CSMD3: variants seen among roughly 807,000 people sequenced by gnomAD.
CSMD3 encodes CUB and sushi domain-containing protein 3.
CSMD3 carries 177 observed loss-of-function variants against 435.2 expected under a neutral mutation model. The observed-to-expected ratio is 0.41, with a 90% CI of 0.36 to 0.46. The LOEUF (loss-of-function observed/expected upper bound fraction) is 0.46, where lower values mean the gene tolerates loss of function less well. Ranked by LOEUF, CSMD3 falls within the 20% of genes least tolerant of loss-of-function variation. The probability of loss-of-function intolerance (pLI) is 0.34; values close to 1 mark genes in which losing one functional copy is unlikely to be tolerated. For synonymous variants in CSMD3, 1,656 were observed against 1,520.5 expected (o/e 1.09, Z -2.07); for missense variants, 4,265 against 4,504.6 (o/e 0.95, Z 1.52).
rs76398422 is a variant in CSMD3, at chr8:112,569,524, G to T, written c.4042+3977C>A. Among the ~76,000 whole-genome samples the T allele has an allele frequency of 2.5e-3, 383 of 152,142 alleles. 2 individuals are homozygous for T. Among genetic ancestry groups the T allele is most frequent in the African/African-American group, 8.9e-3 (371 of 41,508 alleles). On this transcript the variant is annotated intron_variant, in intron 24 of 70. Coordinates refer to ENST00000297405, the MANE Select transcript of CSMD3 (RefSeq NM_198123.2). ...AATTGAAATAAAACGCACTTTAAAG[G>T]TCTGTTCTAACATACTTTTTTCATT...
At chr8:112,878,491 T>C (rs1212612832) in intron 10 of CSMD3, among the ~76,000 whole-genome samples, 1 of 152,132 alleles carries the variant, frequency 6.6e-6, no homozygotes, top group African/African-American at 2.4e-5. Flanking sequence ...GTTCAACCAT[T>C]GTGGAAGACA....
intron 28 of CSMD3, among the ~76,000 whole-genome samples, chr8:112,515,715 A>G (rs1166007127): frequency 6.6e-6 from 1 of 151,788 alleles, no homozygotes; most frequent in Non-Finnish European, 1.5e-5. Flanking sequence ...CTTCTTTGTC[A>G]TTTGTCTTAT....
intron 3 of CSMD3, among the ~76,000 whole-genome samples, chr8:113,271,360 A>T (rs149146045): frequency 1.3e-5 from 2 of 152,080 alleles, no homozygotes; most frequent in African/African-American, 4.8e-5. Context: ...GCCTAGGAGA[A>T]AAAAACGGTT....
intron 3 of CSMD3, among the ~76,000 whole-genome samples, chr8:113,263,081 C>T (rs1418459628): frequency 6.6e-6 from 1 of 151,930 alleles, no homozygotes; most frequent in Non-Finnish European, 1.5e-5. Flanking sequence ...CAATATAATA[C>T]TGCATAAAGG....
chr8:112,569,780 T>C (rs930175813), intron 24 of CSMD3, among the ~76,000 whole-genome samples: 1 of 152,176 alleles, frequency 6.6e-6, no homozygotes, highest in Non-Finnish European at 1.5e-5. Context: ...TCCTTGAATG[T>C]TCTTCCTAAT....
At chr8:112,681,152 AGCCTCCT>A (rs1407570195) in intron 16 of CSMD3, among the ~76,000 whole-genome samples, 1 of 151,380 alleles carries the variant, frequency 6.6e-6, no homozygotes, top group Non-Finnish European at 1.5e-5. Context: ...CCCCTGCCTC[AGCCTCCT>A]GAGTAGCTGG....
At chr8:112,916,794 A>C (rs207469738) in intron 10 of CSMD3, among the ~76,000 whole-genome samples, 1 of 152,070 alleles carries the variant, frequency 6.6e-6, no homozygotes, top group Non-Finnish European at 1.5e-5. Context: ...GTTGGTTACA[A>C]TTAATTAAAT....
intron 18 of CSMD3, among the ~76,000 whole-genome samples, chr8:112,655,251 G>T (rs1383193826): frequency 6.6e-6 from 1 of 151,984 alleles, no homozygotes; most frequent in African/African-American, 2.4e-5. Flanking sequence ...GGGGGAAAGG[G>T]TCATAATTAA....
intron 30 of CSMD3, among the ~76,000 whole-genome samples, chr8:112,497,785 A>C (rs912183828): frequency 6.6e-6 from 1 of 152,098 alleles, no homozygotes; most frequent in African/African-American, 2.4e-5. Context: ...GGACAATTAC[A>C]GAGGAAACAT....
intron 1 of CSMD3, among the ~76,000 whole-genome samples, chr8:113,338,635 T>C (rs1042325294): frequency 2.0e-5 from 3 of 151,976 alleles, no homozygotes; most frequent in Admixed American, 2.0e-4. Context: ...ATAAGATATA[T>C]AGTGAATGGT....
At chr8:113,199,987 G>A (rs185349073) in intron 3 of CSMD3, among the ~76,000 whole-genome samples, 1 of 151,784 alleles carries the variant, frequency 6.6e-6, no homozygotes, top group Admixed American at 6.6e-5. Flanking sequence ...ATTATCTCCA[G>A]TCCAAATCTC....
chr8:113,082,363 T>A (rs994903837), intron 5 of CSMD3, among the ~76,000 whole-genome samples: 1 of 152,166 alleles, frequency 6.6e-6, no homozygotes, highest in Admixed American at 6.5e-5. Context: ...ACTCAGGAAC[T>A]CACAGATATC....
At chr8:112,240,558 A>T (rs1586498139) in intron 66 of CSMD3, among the ~76,000 whole-genome samples, 1 of 152,224 alleles carries the variant, frequency 6.6e-6, no homozygotes, top group East Asian at 1.9e-4. Flanking sequence ...AAACCTCACT[A>T]AAATTAGATC....
chr8:112,656,424 C>G (rs1205474844), intron 17 of CSMD3, 83 bp from the exon 18 acceptor site: 13 of 1,022,514 alleles, frequency 1.3e-5, no homozygotes, highest in Non-Finnish European at 1.8e-5. Flanking sequence ...TATTTAAATT[C>G]CTATTTAAAA....
At chr8:113,318,182 A>G (rs988297122) in intron 1 of CSMD3, among the ~76,000 whole-genome samples, 4 of 152,150 alleles carry the variant, frequency 2.6e-5, no homozygotes, top group African/African-American at 9.7e-5. Flanking sequence ...AACCATACTT[A>G]ATAAATATGA....
At chr8:112,239,659 T>G (rs549644167) in intron 66 of CSMD3, among the ~76,000 whole-genome samples, 1 of 152,230 alleles carries the variant, frequency 6.6e-6, no homozygotes, top group Admixed American at 6.6e-5. Context: ...GATGTAGTGT[T>G]CTAGTAATTT....
At chr8:112,494,482 G>A (rs55708075) in intron 30 of CSMD3, among the ~76,000 whole-genome samples, 1 of 71,696 alleles carries the variant, frequency 1.4e-5, no homozygotes, top group Non-Finnish European at 3.7e-5. Flanking sequence ...CTTTTCTTTT[G>A]TTTCTTTCTC....
chr8:112,358,609 A>G (rs1272577907), intron 38 of CSMD3, among the ~76,000 whole-genome samples: 1 of 152,108 alleles, frequency 6.6e-6, no homozygotes, highest in Non-Finnish European at 1.5e-5. Context: ...TAAAAGAGGA[A>G]TTCCCCTGCA....
At chr8:113,374,914 C>G (rs144957805) in intron 1 of CSMD3, among the ~76,000 whole-genome samples, 20 of 149,766 alleles carry the variant, frequency 1.3e-4, no homozygotes, top group African/African-American at 4.0e-4. Flanking sequence ...CTGCCTATAC[C>G]TTTATCCGTG....
Sources: gnomAD v4.1 joint callset for allele counts (sites outside exome capture counted in the v4.1 genomes callset) on GRCh38, gnomAD v4.1.1 for gene constraint, MANE v1.5 for transcripts, NCBI Gene and HGNC (gene_info 2026-07-23, HGNC 2026-07-21) for gene names.